Variants in NIPA1 observed in about 807,000 individuals in gnomAD.
NIPA1 encodes NIPA magnesium transporter 1.
In NIPA1, 13 loss-of-function variants were observed where a neutral mutation model predicts 23.9. That is an observed-to-expected ratio of 0.54 (90% CI 0.35 to 0.87). NIPA1 has a LOEUF of 0.87. Ranked by LOEUF, NIPA1 falls within the 40% of genes least tolerant of loss-of-function variation. The pLI is 0.01. For synonymous variants in NIPA1, 234 were observed against 202.9 expected, an observed-to-expected ratio of 1.15 and a Z score of -1.30; for missense variants, 362 against 429.7, an observed-to-expected ratio of 0.84 and a Z score of 1.39.
At chr15:22,813,725 C>T in intron 3 of NIPA1, 1 of 452,050 alleles carries the variant, frequency 2.2e-6, no homozygotes, top group Non-Finnish European at 4.4e-6. Flanking sequence ...GTTCTGTGAC[C>T]TAAATACCAT....
intron 1 of NIPA1, among the ~76,000 whole-genome samples, chr15:22,787,376 G>A (rs1176017377): frequency 6.6e-6 from 1 of 152,208 alleles, no homozygotes; most frequent in Non-Finnish European, 1.5e-5. Flanking sequence ...GCAAAAGGAA[G>A]ACCCGGGCGG....
At chr15:22,798,396 T>C (rs994954365) in intron 1 of NIPA1, among the ~76,000 whole-genome samples, 4 of 148,726 alleles carry the variant, frequency 2.7e-5, no homozygotes, top group Non-Finnish European at 4.5e-5. Flanking sequence ...CCCGCCACCA[T>C]GCCCAGCTAA....
chr15:22,821,245 G>A (rs996209675), intron 4 of NIPA1, among the ~76,000 whole-genome samples: 1 of 152,122 alleles, frequency 6.6e-6, no homozygotes, highest in Non-Finnish European at 1.5e-5. Flanking sequence ...GATTACAGGC[G>A]TGAGCCACCA....
intron 1 of NIPA1, among the ~76,000 whole-genome samples, chr15:22,804,932 G>T (rs1013686131): frequency 6.6e-6 from 1 of 152,034 alleles, no homozygotes; most frequent in African/African-American, 2.4e-5. Flanking sequence ...CGCCTCCTGG[G>T]TTCACACCAT....
chr15:22,798,015 C>A (rs1024799597), intron 1 of NIPA1, among the ~76,000 whole-genome samples: 9 of 150,170 alleles, frequency 6.0e-5, no homozygotes, highest in Admixed American at 2.0e-4. Context: ...CGGCTAATTT[C>A]TTTTTGTATT....
Position 22,813,559 on chromosome 15 carries a change from T to C in NIPA1, c.317+1306T>C. 3 of 439,494 alleles carry C rather than the reference T, an allele frequency of 6.8e-6. No homozygotes were observed. The Middle Eastern group carries it at 1.0e-3, about 149-fold the overall frequency. 27.2% of individuals were successfully genotyped at this position (439,494 alleles called of 1,614,324 possible). On this transcript the variant is annotated intron_variant, in intron 3 of 4. Coordinates refer to ENST00000337435, the MANE Select transcript of NIPA1 (RefSeq NM_144599.5). ...TTGTCTTTGAAGAAATCATTAGAAA[T>C]AAAAATAGGGTAGAAGAGAAATAAA...
At chr15:22,798,859 A>C (rs868761901) in intron 1 of NIPA1, among the ~76,000 whole-genome samples, 13 of 150,920 alleles carry the variant, frequency 8.6e-5, no homozygotes, top group African/African-American at 2.7e-4. Flanking sequence ...AAAAAAAAAA[A>C]AAACCTCTTT....
At chr15:22,800,504 G>T (rs565681441) in intron 1 of NIPA1, among the ~76,000 whole-genome samples, 5 of 152,162 alleles carry the variant, frequency 3.3e-5, no homozygotes, top group Admixed American at 2.6e-4. Context: ...AAAAAATGAG[G>T]CAGTGGGCTG....
intron 1 of NIPA1, among the ~76,000 whole-genome samples, chr15:22,791,776 T>G (rs1164285852): frequency 4.6e-5 from 7 of 152,066 alleles, no homozygotes; most frequent in Non-Finnish European, 8.8e-5. Context: ...CTCTTTCACT[T>G]TTAAAGGAAC....
intron 2 of NIPA1, among the ~76,000 whole-genome samples, chr15:22,811,857 G>A (rs1366688272): frequency 6.6e-6 from 1 of 152,182 alleles, no homozygotes; most frequent in African/African-American, 2.4e-5. Context: ...CCTGATTTGT[G>A]TGAAAACAAG....
At chr15:22,799,803 G>A (rs1403651334) in intron 1 of NIPA1, among the ~76,000 whole-genome samples, 1 of 129,172 alleles carries the variant, frequency 7.7e-6, no homozygotes, top group Non-Finnish European at 1.8e-5. Context: ...AAAATTAGGC[G>A]AGTGTTGTGG....
Position 22,827,906 on chromosome 15 carries a change from A to G in NIPA1, c.*3667A>G, listed in dbSNP as rs1895683077. ...CTGGTCGGGGGATTCCTCTTCTTCAAGCTGCTCAGCTAACCCAGAAGAGGG... is the reference window on the plus strand; with the variant it reads ...CTGGTCGGGGGATTCCTCTTCTTCAGGCTGCTCAGCTAACCCAGAAGAGGG... On this transcript the variant is annotated 3_prime_UTR_variant, in exon 5 of 5. Coordinates refer to ENST00000337435, the MANE Select transcript of NIPA1 (RefSeq NM_144599.5). 1 of 152,144 alleles carries G rather than the reference A, an allele frequency of 6.6e-6. No individual in the cohort carries two copies. The highest frequency in any genetic ancestry group is 2.4e-5 in the African/African-American group (1 of 41,396). 9.4% of individuals were successfully genotyped at this position (152,144 alleles called of 1,614,324 possible). A position where few individuals can be genotyped will look rare whatever the true frequency, so the allele number is the denominator to read the frequency against.
chr15:22,821,819 A>C (rs528129296), intron 4 of NIPA1, among the ~76,000 whole-genome samples: 4 of 152,226 alleles, frequency 2.6e-5, no homozygotes, highest in Non-Finnish European at 5.9e-5. Context: ...TCTCAGGTCC[A>C]TTTGTGATGT....
At position 22,828,647 on chromosome 15, in the gene NIPA1, G is replaced by A. The variant is rs1895697169; in HGVS notation, c.*4408G>A. ...TTGTCTAGTAAAAAGTTGATATTCA[G>A]TAGAACAAGGATCATGTAAATAAAC... is the stretch of plus-strand genomic sequence containing the variant. On this transcript the variant is annotated 3_prime_UTR_variant, in exon 5 of 5. Coordinates refer to ENST00000337435, the MANE Select transcript of NIPA1 (RefSeq NM_144599.5). 1 of 152,560 alleles carries A rather than the reference G, an allele frequency of 6.6e-6. No individual in the cohort carries two copies. The highest frequency in any genetic ancestry group is 2.1e-4 in the South Asian group (1 of 4,836). The allele number at this position is 152,560 out of a possible 1,614,324, so 9.5% of individuals were successfully genotyped here. A position where few individuals can be genotyped will look rare whatever the true frequency, so the allele number is the denominator to read the frequency against.
intron 1 of NIPA1, among the ~76,000 whole-genome samples, chr15:22,806,265 A>G (rs1895210551): frequency 6.6e-6 from 1 of 152,164 alleles, no homozygotes; most frequent in Non-Finnish European, 1.5e-5. Context: ...TTTATAACTA[A>G]ATGGAAGGTC....
At chr15:22,788,452 G>A (rs1894758420) in intron 1 of NIPA1, among the ~76,000 whole-genome samples, 2 of 140,906 alleles carry the variant, frequency 1.4e-5, no homozygotes, top group Admixed American at 1.5e-4. Flanking sequence ...AGTGAGCCGG[G>A]ATCCGCCACT....
chr15:22,824,174 C>T lies in NIPA1; in HGVS notation c.925C>T (p.Gln309Ter), dbSNP rs1726167692. 1 of 1,613,152 alleles carries T rather than the reference C, an allele frequency of 6.2e-7. No individual in the cohort carries two copies. Among genetic ancestry groups the T allele is most frequent in the Non-Finnish European group, 8.5e-7 (1 of 1,179,150 alleles). ...TTVSVGIVLI[Q>*]VFKEFNFNLG... ...CGTCTCCGTGGGGATTGTCCTTATA[C>T]AGGTGTTCAAAGAGTTCAATTTCAA... Residue 309 changes from glutamine to a stop codon, truncating the protein, a stop_gained, in exon 5 of 5, where the codon CAG (glutamine) becomes TAG (stop). Coordinates refer to ENST00000337435, the MANE Select transcript of NIPA1 (RefSeq NM_144599.5). LOFTEE classifies it high-confidence loss of function. The surrounding 1 kb of genome is among the most constrained non-coding windows in gnomAD (Gnocchi z 4.1).
At chr15:22,817,413 C>T (rs1223024993) in intron 3 of NIPA1, among the ~76,000 whole-genome samples, 1 of 144,656 alleles carries the variant, frequency 6.9e-6, no homozygotes, top group South Asian at 2.2e-4. Context: ...GCAGGAGAAT[C>T]GCTTGAACCC....
chr15:22,806,294 G>C (rs1895211205), intron 1 of NIPA1, among the ~76,000 whole-genome samples: 1 of 152,192 alleles, frequency 6.6e-6, no homozygotes, highest in Non-Finnish European at 1.5e-5. Flanking sequence ...CATGCCCCTG[G>C]TTGGACAGCA....
Sources: allele counts gnomAD v4.1 joint callset (sites outside exome capture counted in the v4.1 genomes callset), GRCh38; gene constraint gnomAD v4.1.1; non-coding constraint Gnocchi (gnomAD v3.1); transcripts MANE v1.5; gene names NCBI Gene and HGNC (gene_info 2026-07-23, HGNC 2026-07-21).